Variants in USP25 observed in about 807,000 individuals in gnomAD.
The protein encoded by USP25 is ubiquitin specific peptidase 25.
In USP25, 85 loss-of-function variants were observed where a neutral mutation model predicts 158.5. The ratio of observed to expected loss-of-function variants is 0.54; its 90% CI spans 0.45 to 0.64. The LOEUF is 0.64. USP25 is among the 30% of genes least tolerant of loss of function. The pLI is 0.00. For missense variants in USP25, 1,242 were observed against 1,327.3 expected (o/e 0.94, Z 1.00); for synonymous variants, 464 against 460.4 (o/e 1.01, Z -0.10).
intron 10 of USP25, among the ~76,000 whole-genome samples, chr21:15,822,375 A>G (rs2037278872): frequency 6.6e-6 from 1 of 152,004 alleles, no homozygotes; most frequent in Admixed American, 6.6e-5. Context: ...CATAACAGAG[A>G]CATATTACAT....
chr21:15,778,170 G>A, intron 4 of USP25, 143 bp downstream of exon 4: 3 of 819,446 alleles, frequency 3.7e-6, no homozygotes, highest in South Asian at 3.9e-5. Flanking sequence ...TAAATTTTAT[G>A]TAACCAAAAT....
At chr21:15,878,125 ACT>A (rs755534215) in intron 25 of USP25, 134 bp downstream of exon 25, 29 of 1,043,022 alleles carry the variant, frequency 2.8e-5, no homozygotes, top group Non-Finnish European at 3.5e-5. Flanking sequence ...TCACATGATT[ACT>A]CTTTTTCCAT....
intron 3 of USP25, among the ~76,000 whole-genome samples, chr21:15,777,439 A>C (rs566710643): frequency 6.6e-6 from 1 of 152,318 alleles, no homozygotes; most frequent in South Asian, 2.1e-4. Flanking sequence ...TTAGTTTCTG[A>C]AACATCAGTT....
Position 15,879,134 on chromosome 21 carries a change from C to T in USP25, c.*659C>T, listed in dbSNP as rs2040205349. 1 of 152,420 alleles carries T rather than the reference C, an allele frequency of 6.6e-6. No individual in the cohort carries two copies. The highest frequency in any genetic ancestry group is 2.1e-4 in the South Asian group (1 of 4,822). The allele number at this position is 152,420 out of a possible 1,614,324, so 9.4% of individuals were successfully genotyped here. ...ATGGCACCGGAACCTGTTTTGAATT[C>T]AGTCAGGTTTTTACTCAAGTAAGTG... On this transcript the variant is annotated 3_prime_UTR_variant, in exon 26 of 26. Coordinates refer to ENST00000400183, the MANE Select transcript of USP25 (RefSeq NM_001283041.3).
At chr21:15,830,671 A>G in intron 15 of USP25, 70 bp downstream of exon 15, 1 of 1,210,296 alleles carries the variant, frequency 8.3e-7, no homozygotes, top group East Asian at 2.8e-5. Context: ...CCTTTACATT[A>G]TCTTAATCTA....
At chr21:15,765,203 G>A (rs977257529) in intron 2 of USP25, among the ~76,000 whole-genome samples, 20 of 151,996 alleles carry the variant, frequency 1.3e-4, no homozygotes, top group African/African-American at 4.8e-4. Context: ...TGAATATCTG[G>A]GTTTCCTATG....
At position 15,847,728 on chromosome 21, in the gene USP25, T is replaced by C; in HGVS notation, c.2403T>C (p.His801=). 1 of 1,550,168 alleles carries C rather than the reference T, an allele frequency of 6.5e-7. No individual in the cohort carries two copies. Among genetic ancestry groups the C allele is most frequent in the Non-Finnish European group, 8.7e-7 (1 of 1,146,640 alleles). Residue 801 remains histidine, a synonymous_variant, in exon 19 of 26, where the codon CAT becomes CAC. Coordinates refer to ENST00000400183, the MANE Select transcript of USP25 (RefSeq NM_001283041.3). Reference sequence around the variant, plus strand: ...GAGTTGTAGAGGTGGCGATCCCTCATGTAGGGAAATTTATGATTGAATCAA... The same window carrying C: ...GAGTTGTAGAGGTGGCGATCCCTCACGTAGGGAAATTTATGATTGAATCAA... ...NQRVVEVAIP[H]VGKFMIESKE... is the part of the protein sequence containing the mutation.
intron 20 of USP25, among the ~76,000 whole-genome samples, chr21:15,857,679 CTT>C (rs534253481): frequency 2.4e-3 from 367 of 151,970 alleles, no homozygotes; most frequent in African/African-American, 8.2e-3. Flanking sequence ...TATAATTTGT[CTT>C]TTAAATTTAT....
chr21:15,730,976 G>GTT lies in USP25; in HGVS notation c.45+562_45+563dup, dbSNP rs748732727. On this transcript the variant is annotated intron_variant, in intron 1 of 25. Coordinates refer to ENST00000400183, the MANE Select transcript of USP25 (RefSeq NM_001283041.3). ...TTTCCCTTTCTTCTTCTTCTTTTCTGTTTTTTTTTTTTTTTTTTTTTTTTT... is the reference window on the plus strand; with the variant it reads ...TTTCCCTTTCTTCTTCTTCTTTTCTGTTTTTTTTTTTTTTTTTTTTTTTTTTT... Among the ~76,000 whole-genome samples, 501 of 53,636 alleles carry GTT rather than the reference G, an allele frequency of 9.3e-3. 60 individuals carry two copies. The highest frequency in any genetic ancestry group is 0.018 in the African/African-American group (264 of 14,556). The allele number at this position is 53,636 out of a possible 152,430, so 35.2% of individuals were successfully genotyped here. A position where few individuals can be genotyped will look rare whatever the true frequency, so the allele number is the denominator to read the frequency against.
chr21:15,746,661 G>A (rs2032586213), intron 1 of USP25, among the ~76,000 whole-genome samples: 1 of 152,102 alleles, frequency 6.6e-6, no homozygotes, highest in African/African-American at 2.4e-5. Flanking sequence ...CTCCCAAAGT[G>A]CTGGGATTAC....
chr21:15,751,071 A>T (rs2032980057), intron 1 of USP25, among the ~76,000 whole-genome samples: 1 of 152,206 alleles, frequency 6.6e-6, no homozygotes, highest in Admixed American at 6.5e-5. Flanking sequence ...ATTGACTAGG[A>T]ACAGATGATT....
At chr21:15,784,342 G>A (rs1160149829) in intron 4 of USP25, among the ~76,000 whole-genome samples, 1 of 152,222 alleles carries the variant, frequency 6.6e-6, no homozygotes, top group African/African-American at 2.4e-5. Context: ...GGAGGCTGAG[G>A]CTGGCGGATC....
At position 15,771,635 on chromosome 21, in the gene USP25, C is replaced by G. The variant is rs549191722; in HGVS notation, c.268+5494C>G. On this transcript the variant is annotated intron_variant, in intron 3 of 25. Coordinates refer to ENST00000400183, the MANE Select transcript of USP25 (RefSeq NM_001283041.3). ...CTGATGTTCATATTTGCCTTTCTTT[C>G]TTAAGGGTATTTCCATTCTTCTGGT... Among the ~76,000 whole-genome samples, 182 of 152,022 alleles carry G rather than the reference C, an allele frequency of 1.2e-3. 1 individual carries two copies. The highest frequency in any genetic ancestry group is 4.2e-3 in the African/African-American group (174 of 41,484).
intron 1 of USP25, among the ~76,000 whole-genome samples, chr21:15,747,652 T>C (rs2032667831): frequency 6.6e-6 from 1 of 152,160 alleles, no homozygotes; most frequent in Non-Finnish European, 1.5e-5. Flanking sequence ...ATAACTGAGA[T>C]GGCTGCTGAC....
chr21:15,871,075 T>C (rs181432957), intron 23 of USP25, among the ~76,000 whole-genome samples: 581 of 152,324 alleles, frequency 3.8e-3, no homozygotes, highest in Admixed American at 6.8e-3. Context: ...GAAATTTCTA[T>C]TGGACAGTAC....
intron 1 of USP25, among the ~76,000 whole-genome samples, chr21:15,749,890 T>C (rs74900664): frequency 0.012 from 1,763 of 152,306 alleles, 34 homozygotes; most frequent in African/African-American, 0.041. Flanking sequence ...GAGTGTGATA[T>C]AATAATAAAT....
intron 18 of USP25, among the ~76,000 whole-genome samples, chr21:15,846,154 A>T (rs1176370347): frequency 0.018 from 763 of 43,446 alleles, 53 homozygotes; most frequent in African/African-American, 0.1. Context: ...ATATATATAT[A>T]TATATTTTTT....
chr21:15,831,963 C>G (rs370603200), intron 16 of USP25, among the ~76,000 whole-genome samples: 10 of 152,296 alleles, frequency 6.6e-5, no homozygotes, highest in Middle Eastern at 3.4e-3. Context: ...ATTATCTCCC[C>G]ACCTTCATTG....
chr21:15,827,386 C>T (rs2037564122), intron 14 of USP25, among the ~76,000 whole-genome samples, 183 bp downstream of exon 14: 1 of 152,174 alleles, frequency 6.6e-6, no homozygotes, highest in African/African-American at 2.4e-5. Flanking sequence ...ATCAGGTTCA[C>T]AGGGACCAAA....
Sources: allele counts gnomAD v4.1 joint callset (sites outside exome capture counted in the v4.1 genomes callset), GRCh38; gene constraint gnomAD v4.1.1; transcripts MANE v1.5; gene names NCBI Gene and HGNC (gene_info 2026-07-23, HGNC 2026-07-21).